The following AK1 variants were observed in gnomAD, a reference collection of about 807,000 sequenced individuals.
AK1 encodes the protein adenylate kinase 1.
In AK1, 13 loss-of-function variants were observed where a neutral mutation model predicts 23.9. The observed-to-expected ratio is 0.54, with a 90% CI of 0.35 to 0.86. The LOEUF is 0.86. AK1 is among the 40% of genes least tolerant of loss of function. The probability of loss-of-function intolerance (pLI) is 0.01; values close to 1 mark genes in which losing one functional copy is unlikely to be tolerated. For missense variants in AK1, 214 were observed against 255.1 expected, an observed-to-expected ratio of 0.84 and a Z score of 1.10; for synonymous variants, 97 against 102.8, an observed-to-expected ratio of 0.94 and a Z score of 0.34.
chr9:127,870,763 A>G (rs1829376353), intron 5 of AK1, among the ~76,000 whole-genome samples: 1 of 151,972 alleles, frequency 6.6e-6, no homozygotes, highest in Non-Finnish European at 1.5e-5. Context: ...CTATCCCCAG[A>G]TGAGGCTGGA....
intron 4 of AK1, 82 bp downstream of exon 4, chr9:127,872,608 T>A: frequency 6.3e-7 from 1 of 1,583,180 alleles, no homozygotes; most frequent in Non-Finnish European, 8.6e-7. Context: ...TTTGCCTGTG[T>A]GCCGTGGGCT....
Position 127,871,831 on chromosome 9 carries a change from C to A in AK1, c.316G>T (p.Glu106Ter). Reference protein sequence around the residue: ...PREVQQGEEFERRIGQPTLLL... With the variant: ...PREVQQGEEF ...TTGGGTCAGTGCCTTACCCGTCGCT[C>A]AAACTCTTCTCCTTGCTGCACCTCC... The change falls in exon 5 of 7, where the codon GAG (glutamate) becomes TAG (stop). Residue 106 changes from glutamate (E) to a stop codon, truncating the protein, a stop_gained. Coordinates refer to ENST00000644144, the MANE Select transcript of AK1 (RefSeq NM_000476.3). LOFTEE classifies it high-confidence loss of function. The surrounding 1 kb of genome is among the most constrained non-coding windows in gnomAD (Gnocchi z 4.4). 1.9e-6 allele frequency: 3 copies of A among 1,614,142 alleles called. No individual in the cohort carries two copies. The highest frequency in any genetic ancestry group is 2.5e-6 in the Non-Finnish European group (3 of 1,180,006).
chr9:127,873,247 A>C, intron 2 of AK1, 186 bp from the exon 3 acceptor site: 1 of 1,536,240 alleles, frequency 6.5e-7, no homozygotes, highest in East Asian at 2.4e-5. Flanking sequence ...GGAGCCTGGG[A>C]GAGGTCAGGG....
chr9:127,872,813 G>A lies in AK1; in HGVS notation c.84C>T (p.Ile28=), dbSNP rs375333097. 71 of 1,613,956 alleles carry A rather than the reference G, an allele frequency of 4.4e-5. No homozygotes were observed. Among genetic ancestry groups the A allele is most frequent in the East Asian group, 1.6e-4 (7 of 44,874 alleles). ...GGTGGGTGTAGCCATACTTCTGCAC[G>A]ATCTTCTCACACTGGGTGCCCTTCC... ...GSGKGTQCEK[I]VQKYGYTHLS... Residue 28 remains isoleucine, a synonymous_variant, in exon 4 of 7, where the codon ATC becomes ATT. Transcript: ENST00000644144.
rs904063287 is a variant in AK1 at position 127,871,014 on chromosome 9, T to G, written c.324+809A>C. ...ACAGGGCCATGTGTGCGAGCACGTG[T>G]GCATTCCTGCATATGTGTGCTGCGT... On this transcript the variant is annotated intron_variant, in intron 5 of 6. Coordinates refer to ENST00000644144, the MANE Select transcript of AK1 (RefSeq NM_000476.3). The surrounding 1 kb of genome is among the most constrained non-coding windows in gnomAD (Gnocchi z 4.4). Among the ~76,000 whole-genome samples, 1 of 151,820 alleles carries G rather than the reference T, an allele frequency of 6.6e-6. No homozygotes were observed. The highest frequency in any genetic ancestry group is 1.5e-5 in the Non-Finnish European group (1 of 68,052).
intron 2 of AK1, chr9:127,873,638 C>G: frequency 7.1e-7 from 1 of 1,406,330 alleles, no homozygotes; most frequent in Non-Finnish European, 9.2e-7. Flanking sequence ...GTGAGCTTGG[C>G]TCCAACCTCT....
upstream of AK1, among the ~76,000 whole-genome samples, chr9:127,877,921 A>T (rs1330984077): frequency 1.3e-5 from 2 of 152,218 alleles, no homozygotes; most frequent in Non-Finnish European, 2.9e-5. This position sits in a 1 kb window ranked among gnomAD's most constrained non-coding sequence, Gnocchi z 5.2. Flanking sequence ...GTTTGCCAAG[A>T]GTTTTCCATT....
At chr9:127,870,200 CTTT>C (rs36059128) in intron 5 of AK1, among the ~76,000 whole-genome samples, 2 of 122,298 alleles carry the variant, frequency 1.6e-5, no homozygotes, top group Non-Finnish European at 3.3e-5. Context: ...AGGGTGGGGA[CTTT>C]TTTTTTTTTT....
chr9:127,872,766 C>T lies in AK1; in HGVS notation c.131G>A (p.Arg44Gln). The part of the protein sequence containing the change: ...YTHLSTGDLL[R>Q]SEVSSGSARG... ...GGCCGAGCCTGAGCTGACCTCGGAC[C>T]GCAGGAGGTCCCCGGTGGAGAGGTG... The change falls in exon 4 of 7, where the codon CGG becomes CAG. Residue 44 changes from arginine (R) to glutamine (Q), a missense_variant. Arg to Gln is a conservative substitution (Grantham distance 43). Transcript: ENST00000644144. The T allele has an allele frequency of 2.5e-6, 4 of 1,614,116 alleles. No homozygotes were observed. Among genetic ancestry groups the T allele is most frequent in the Non-Finnish European group, 3.4e-6 (4 of 1,180,000 alleles).
Position 127,867,931 on chromosome 9 carries a change from T to G in AK1, c.*77A>C, listed in dbSNP as rs1829283025. 4.1e-6 allele frequency: 6 copies of G among 1,452,646 alleles called. No homozygotes were observed. In the South Asian group the frequency reaches 6.8e-5, roughly 17 times the overall value. 90.0% of individuals were successfully genotyped at this position (1,452,646 alleles called of 1,614,324 possible). A position where few individuals can be genotyped will look rare whatever the true frequency, so the allele number is the denominator to read the frequency against. ...GCTCAGCAGGGCAGGGTGGAGGCGC[T>G]GCGCTCAGGCCAGGAGGACCTCGAA... On this transcript the variant is annotated 3_prime_UTR_variant, in exon 7 of 7. Coordinates refer to ENST00000644144, the MANE Select transcript of AK1 (RefSeq NM_000476.3).
At chr9:127,869,661 G>A (rs148160737) in intron 5 of AK1, among the ~76,000 whole-genome samples, 1 of 152,328 alleles carries the variant, frequency 6.6e-6, no homozygotes, top group African/African-American at 2.4e-5. Flanking sequence ...CTGCCTTCAG[G>A]GAGATGACTC....
chr9:127,872,549 C>A, intron 4 of AK1, 141 bp downstream of exon 4: 3 of 1,134,556 alleles, frequency 2.6e-6, no homozygotes, highest in Non-Finnish European at 3.8e-6. Context: ...CTGTCCAGGG[C>A]AATGGGGAAC....
chr9:127,869,500 C>T (rs1392907352), intron 5 of AK1: 1 of 152,402 alleles, frequency 6.6e-6, no homozygotes, highest in Non-Finnish European at 1.5e-5. Flanking sequence ...GCAGCCTGAC[C>T]TCCGGCGTCA....
chr9:127,874,854 C>G (rs1829500557), intron 1 of AK1: 1 of 579,324 alleles, frequency 1.7e-6, no homozygotes, highest in Admixed American at 2.8e-5. Flanking sequence ...GTCACCTTTC[C>G]TCTCTGGCCT....
Position 127,868,513 on chromosome 9 carries a change from C to A in AK1, c.325-1G>T, listed in dbSNP as rs1260473090. On this transcript the variant is annotated splice_acceptor_variant, in intron 5 of 6. Transcript: ENST00000644144. LOFTEE classifies it high-confidence loss of function. The surrounding 1 kb of genome is among the most constrained non-coding windows in gnomAD (Gnocchi z 4.1). ...ACAGCAGCAGTGTGGGCTGTCCAAT[C>A]TGCAGGCGGGCACCATGTCACAGGG... 1 of 1,576,708 alleles carries A rather than the reference C, an allele frequency of 6.3e-7. No individual in the cohort carries two copies. The highest frequency in any genetic ancestry group is 8.6e-7 in the Non-Finnish European group (1 of 1,160,622).
intron 4 of AK1, 98 bp downstream of exon 4, chr9:127,872,592 G>T: frequency 6.5e-7 from 1 of 1,542,008 alleles, no homozygotes; most frequent in Admixed American, 1.7e-5. Flanking sequence ...GGCGGTTACG[G>T]TCAGCTTTGC....
At chr9:127,872,514 C>G (rs1829436698) in intron 4 of AK1, among the ~76,000 whole-genome samples, 176 bp downstream of exon 4, 1 of 152,052 alleles carries the variant, frequency 6.6e-6, no homozygotes. Flanking sequence ...CCTGCAAGGT[C>G]TTGGGAGCTT....
In AK1 at chr9:127,868,149, A is replaced by G; in HGVS notation, c.517-73T>C. 6.4e-7 allele frequency: 1 copy of G among 1,555,138 alleles called. No individual in the cohort carries two copies. Among genetic ancestry groups the G allele is most frequent in the Admixed American group, 1.7e-5 (1 of 59,328 alleles). ...TGGGCCTCACCATGGCAGGCCCCAGAGACCAGGCCTGCCTCCCCGAGCCCA... is the reference window on the plus strand; with the variant it reads ...TGGGCCTCACCATGGCAGGCCCCAGGGACCAGGCCTGCCTCCCCGAGCCCA... On this transcript the variant is annotated intron_variant, in intron 6 of 6. Coordinates refer to ENST00000644144, the MANE Select transcript of AK1 (RefSeq NM_000476.3). This position sits in a 1 kb window ranked among gnomAD's most constrained non-coding sequence, Gnocchi z 4.1.
chr9:127,879,002 A>G (rs145582459), upstream of AK1, among the ~76,000 whole-genome samples: 4,863 of 151,924 alleles, frequency 0.032, 91 homozygotes, highest in Non-Finnish European at 0.046. Context: ...ACTTGAGCTC[A>G]CTTGAGCCCA....
Sources: gnomAD v4.1 joint callset for allele counts (sites outside exome capture counted in the v4.1 genomes callset) on GRCh38, gnomAD v4.1.1 for gene constraint, Gnocchi (gnomAD v3.1) non-coding constraint, MANE v1.5 for transcripts, NCBI Gene and HGNC (gene_info 2026-07-23, HGNC 2026-07-21) for gene names.